Variants in PLCB1 observed in about 807,000 individuals in gnomAD.
PLCB1 encodes phospholipase C beta 1.
A neutral mutation model predicts 161.8 loss-of-function variants in PLCB1; 46 were observed. The ratio of observed to expected loss-of-function variants is 0.28; its 90% CI spans 0.22 to 0.36. PLCB1 has a LOEUF of 0.36. Ranked by LOEUF, PLCB1 falls within the 10% of genes least tolerant of loss-of-function variation. The probability of loss-of-function intolerance (pLI) is 1.00; values close to 1 mark genes in which losing one functional copy is unlikely to be tolerated. For synonymous variants in PLCB1, 517 were observed against 503.7 expected (o/e 1.03, Z -0.35); for missense variants, 1,016 against 1,472.5 (o/e 0.69, Z 5.07).
At chr20:8,541,276 G>T (rs528356628) in intron 3 of PLCB1, among the ~76,000 whole-genome samples, 2 of 152,268 alleles carry the variant, frequency 1.3e-5, no homozygotes, top group South Asian at 2.1e-4. Flanking sequence ...ATTAAGGAAG[G>T]CTTTGAATGC....
intron 2 of PLCB1, among the ~76,000 whole-genome samples, chr20:8,217,810 C>T (rs774070076): frequency 4.6e-5 from 7 of 152,020 alleles, no homozygotes; most frequent in African/African-American, 7.2e-5. Context: ...ATAGTTATTG[C>T]GGAAGTGGGT....
At chr20:8,609,441 T>C (rs772687182) in intron 3 of PLCB1, among the ~76,000 whole-genome samples, 4 of 152,218 alleles carry the variant, frequency 2.6e-5, no homozygotes, top group Non-Finnish European at 5.9e-5. Flanking sequence ...AAAGTCTTTA[T>C]GCCAAGCTAA....
intron 3 of PLCB1, among the ~76,000 whole-genome samples, chr20:8,505,064 G>A (rs181696652): frequency 5.3e-4 from 80 of 152,256 alleles, no homozygotes; most frequent in African/African-American, 1.9e-3. Flanking sequence ...CTCTTGCTAT[G>A]TTGTCCAGGA....
intron 7 of PLCB1, chr20:8,651,453 G>A: frequency 1.4e-6 from 1 of 728,800 alleles, no homozygotes; most frequent in Non-Finnish European, 2.6e-6. Flanking sequence ...GAGCAGAGCT[G>A]TGGAAAGGCT....
chr20:8,696,073 T>A (rs1028409905), intron 10 of PLCB1, among the ~76,000 whole-genome samples: 3 of 152,230 alleles, frequency 2.0e-5, no homozygotes, highest in African/African-American at 7.2e-5. Context: ...TACAAAACCA[T>A]TGCTGAATCA....
Position 8,267,959 on chromosome 20 carries a change from TTTATTA to T in PLCB1, c.178-103403_178-103398del, listed in dbSNP as rs149671843. Among the ~76,000 whole-genome samples the T allele has an allele frequency of 2.0e-3, 301 of 148,718 alleles. 2 individuals carry two copies. The highest frequency in any genetic ancestry group is 6.9e-3 in the African/African-American group (280 of 40,420). On this transcript the variant is annotated intron_variant, in intron 2 of 31. Coordinates refer to ENST00000338037, the MANE Select transcript of PLCB1 (RefSeq NM_015192.4). ...CAATCAGAGGTACTTTCCATCTGTCTTTATTATTATTATTATTATTATTATACTTTA... is the reference window on the plus strand; with the variant it reads ...CAATCAGAGGTACTTTCCATCTGTCTTTATTATTATTATTATTATACTTTA...
chr20:8,862,203 T>A (rs1305897647), intron 31 of PLCB1, among the ~76,000 whole-genome samples: 1 of 152,234 alleles, frequency 6.6e-6, no homozygotes, highest in East Asian at 1.9e-4. Context: ...ATGTCATGCA[T>A]GATTTATTTA....
At chr20:8,751,332 C>G (rs1268110817) in intron 23 of PLCB1, 1 of 152,798 alleles carries the variant, frequency 6.5e-6, no homozygotes, top group Non-Finnish European at 1.5e-5. Context: ...TTGAAAGGCC[C>G]TTCACTTACC....
chr20:8,582,811 G>A (rs6108158), intron 3 of PLCB1, among the ~76,000 whole-genome samples: 78,698 of 151,714 alleles, frequency 0.52, 21,507 homozygotes, highest in African/African-American at 0.69. Flanking sequence ...CACATGGTGA[G>A]ACTCTTTCTC....
chr20:8,414,970 A>C (rs1233198045), intron 3 of PLCB1, among the ~76,000 whole-genome samples: 1 of 152,020 alleles, frequency 6.6e-6, no homozygotes, highest in East Asian at 1.9e-4. Flanking sequence ...TTTGCTCCTG[A>C]AAGTTCCAGA....
chr20:8,489,591 C>A (rs1195181396), intron 3 of PLCB1, among the ~76,000 whole-genome samples: 1 of 152,044 alleles, frequency 6.6e-6, no homozygotes, highest in Non-Finnish European at 1.5e-5. Flanking sequence ...ATATTCATAG[C>A]AAGTTCTGGT....
At chr20:8,861,691 C>G (rs546112104) in intron 31 of PLCB1, among the ~76,000 whole-genome samples, 4 of 139,992 alleles carry the variant, frequency 2.9e-5, no homozygotes, top group Non-Finnish European at 6.0e-5. Context: ...GATCGTGCCA[C>G]TGCACTCCAG....
intron 2 of PLCB1, among the ~76,000 whole-genome samples, chr20:8,312,836 A>G (rs1984466574): frequency 6.7e-6 from 1 of 149,948 alleles, no homozygotes; most frequent in African/African-American, 2.5e-5. Flanking sequence ...TTTTCTCTAT[A>G]GAAAAAAAAA....
At chr20:8,802,174 GT>G in intron 31 of PLCB1, 2 of 1,552,682 alleles carry the variant, frequency 1.3e-6, no homozygotes, top group Non-Finnish European at 1.8e-6. Context: ...TTCCGGCCAG[GT>G]AGGACTGGAT....
chr20:8,657,208 T>A lies in PLCB1; in HGVS notation c.619T>A (p.Phe207Ile), dbSNP rs1358940714. The A allele has an allele frequency of 1.2e-6, 2 of 1,607,548 alleles. No homozygotes were observed. The highest frequency in any genetic ancestry group is 1.7e-6 in the Non-Finnish European group (2 of 1,174,522). The part of the protein sequence containing the change: ...SRNDSIPQED[F>I]TPEVYRVFLN... ...GAATGATTCAATACCTCAAGAAGAT[T>A]TCACTCCAGAAGTGTACAGAGTTTT... is the stretch of plus-strand genomic sequence containing the variant. Residue 207 changes from phenylalanine to isoleucine, a missense_variant, in exon 8 of 32, where the codon TTC becomes ATC. By Grantham distance (21) the Phe-to-Ile change is conservative. Transcript: ENST00000338037.
At chr20:8,257,671 C>T (rs987515845) in intron 2 of PLCB1, among the ~76,000 whole-genome samples, 33 of 152,276 alleles carry the variant, frequency 2.2e-4, no homozygotes, top group African/African-American at 7.7e-4. Flanking sequence ...AATACACAGG[C>T]CAGTGATCAA....
At chr20:8,402,844 CA>C (rs1370316261) in intron 3 of PLCB1, among the ~76,000 whole-genome samples, 1 of 151,248 alleles carries the variant, frequency 6.6e-6, no homozygotes, top group Non-Finnish European at 1.5e-5. Context: ...GACTCCATCT[CA>C]AAAAAATAAA....
chr20:8,292,597 G>T (rs1000827477), intron 2 of PLCB1, among the ~76,000 whole-genome samples: 4 of 152,122 alleles, frequency 2.6e-5, no homozygotes, highest in Admixed American at 6.6e-5. Flanking sequence ...TAGTAAGGGT[G>T]CTTGAAATGT....
chr20:8,542,223 T>C (rs1343769391), intron 3 of PLCB1, among the ~76,000 whole-genome samples: 1 of 152,184 alleles, frequency 6.6e-6, no homozygotes, highest in Non-Finnish European at 1.5e-5. Flanking sequence ...TGAACCGTGC[T>C]CTGCTGCAAT....
Sources: allele counts gnomAD v4.1 joint callset (sites outside exome capture counted in the v4.1 genomes callset), GRCh38; gene constraint gnomAD v4.1.1; transcripts MANE v1.5; gene names NCBI Gene and HGNC (gene_info 2026-07-23, HGNC 2026-07-21).